Variants in MCC observed in about 807,000 individuals in gnomAD.
The protein encoded by MCC is MCC regulator of Wnt signaling pathway, also known as colorectal mutant cancer protein.
A neutral mutation model predicts 116.2 loss-of-function variants in MCC; 90 were observed. That is an observed-to-expected ratio of 0.77 (90% CI 0.65 to 0.92). The LOEUF is 0.92. Among genes scored for constraint, MCC ranks in the 40% least tolerant of loss-of-function variants. The pLI is 0.00. For synonymous variants in MCC, 578 were observed against 510.5 expected (o/e 1.13, Z -1.78); for missense variants, 1,516 against 1,312.2 (o/e 1.16, Z -2.40).
intron 17 of MCC, among the ~76,000 whole-genome samples, chr5:113,031,269 A>C (rs1418575834): frequency 1.3e-5 from 2 of 152,198 alleles, no homozygotes; most frequent in Non-Finnish European, 2.9e-5. Flanking sequence ...CTAAGCTGGA[A>C]GGAGCGTGTG....
At chr5:113,111,838 C>T (rs1280036078) in intron 6 of MCC, among the ~76,000 whole-genome samples, 1 of 152,176 alleles carries the variant, frequency 6.6e-6, no homozygotes, top group African/African-American at 2.4e-5. Context: ...TCCTAATGAG[C>T]CTTCTGGCTT....
chr5:113,371,712 C>A (rs1768840483), intron 2 of MCC, among the ~76,000 whole-genome samples: 1 of 152,306 alleles, frequency 6.6e-6, no homozygotes, highest in East Asian at 1.9e-4. Context: ...AACTTATACA[C>A]AAAACATTAG....
At chr5:113,381,657 G>T (rs553023463) in intron 2 of MCC, among the ~76,000 whole-genome samples, 2 of 152,082 alleles carry the variant, frequency 1.3e-5, no homozygotes, top group African/African-American at 4.8e-5. Context: ...GCCTGGTGGT[G>T]CATGCCTGTA....
Position 113,049,296 on chromosome 5 carries a change from C to A in MCC, c.2452G>T (p.Glu818Ter). The change falls in exon 16 of 19, where the codon GAG becomes TAG. Residue 818 changes from glutamate to a stop codon, truncating the protein, a stop_gained. Transcript: ENST00000408903. LOFTEE classifies it high-confidence loss of function. ...LMQELMAMKE[E>*]MAELKAQLYL... ...AGCTGGGCCTTCAACTCGGCCATCTCCTCCTACAGACAAAGGAGCACAGAG... is the reference window on the plus strand; with the variant it reads ...AGCTGGGCCTTCAACTCGGCCATCTACTCCTACAGACAAAGGAGCACAGAG... The A allele has an allele frequency of 6.3e-7, 1 of 1,586,268 alleles. No individual in the cohort carries two copies. Among genetic ancestry groups the A allele is most frequent in the African/African-American group, 1.3e-5 (1 of 74,452 alleles).
chr5:113,064,162 G>T lies in MCC; in HGVS notation c.2035C>A (p.Gln679Lys), dbSNP rs1236854366. Residue 679 changes from glutamine to lysine, a missense_variant, in exon 14 of 19, where the codon CAG becomes AAG. Transcript: ENST00000408903. The stretch of plus-strand genomic sequence containing the variant: ...TGAGTGATGTTTTCATCCCCCGACT[G>T]GTCTCCTATGTGGCAGAGAAGCCAA... ...AAGVGSSPGD[Q>K]SGDENITQML... The T allele has an allele frequency of 1.9e-6, 3 of 1,609,646 alleles. No homozygotes were observed. Among genetic ancestry groups the T allele is most frequent in the Non-Finnish European group, 2.5e-6 (3 of 1,177,318 alleles).
At chr5:113,479,802 G>T (rs1054451593) in intron 1 of MCC, among the ~76,000 whole-genome samples, 5 of 151,898 alleles carry the variant, frequency 3.3e-5, no homozygotes, top group Admixed American at 3.3e-4. Context: ...GTGACACTAT[G>T]GTTTCATTGT....
chr5:113,133,330 C>T (rs1758582022), intron 5 of MCC, among the ~76,000 whole-genome samples: 1 of 152,150 alleles, frequency 6.6e-6, no homozygotes. Context: ...CACCAAAATA[C>T]TCTCTATCTT....
chr5:113,067,369 C>T (rs1753692730), intron 13 of MCC, among the ~76,000 whole-genome samples: 1 of 152,192 alleles, frequency 6.6e-6, no homozygotes, highest in Admixed American at 6.5e-5. Context: ...ACTCAAAAGC[C>T]GGGCGCAGTG....
At chr5:113,196,031 C>A (rs1209978165) in intron 3 of MCC, among the ~76,000 whole-genome samples, 1 of 152,218 alleles carries the variant, frequency 6.6e-6, no homozygotes, top group Non-Finnish European at 1.5e-5. Context: ...CATGAAACCC[C>A]ACAGGCAGCT....
intron 8 of MCC, among the ~76,000 whole-genome samples, chr5:113,100,464 CTTTTTTTT>C (rs10649958): frequency 1.6e-4 from 13 of 78,846 alleles, no homozygotes; most frequent in African/African-American, 5.1e-4. Context: ...GTATTTTTCC[CTTTTTTTT>C]TTTTTTTTTT....
chr5:113,224,675 G>C (rs1031895622), intron 3 of MCC, among the ~76,000 whole-genome samples: 4 of 152,120 alleles, frequency 2.6e-5, no homozygotes, highest in African/African-American at 9.7e-5. Context: ...TCAAGCAGGA[G>C]TTAATAGAGG....
chr5:113,113,651 CAAAAA>C (rs11405354), intron 6 of MCC, among the ~76,000 whole-genome samples: 4 of 108,374 alleles, frequency 3.7e-5, no homozygotes, highest in Non-Finnish European at 5.3e-5. Context: ...TATGTTCTTG[CAAAAA>C]AAAAAAAAAA....
At chr5:113,204,197 G>C (rs1006573978) in intron 3 of MCC, among the ~76,000 whole-genome samples, 3 of 152,098 alleles carry the variant, frequency 2.0e-5, no homozygotes, top group African/African-American at 7.2e-5. Context: ...CAGCATTATG[G>C]GCAAGAACAA....
At chr5:113,451,975 T>C (rs1324212696) in intron 1 of MCC, among the ~76,000 whole-genome samples, 2 of 152,230 alleles carry the variant, frequency 1.3e-5, no homozygotes, top group Non-Finnish European at 2.9e-5. Flanking sequence ...TCAAGATGGC[T>C]TCACCCCCAT....
At chr5:113,048,980 T>A in intron 16 of MCC, 113 bp downstream of exon 16, 6 of 965,574 alleles carry the variant, frequency 6.2e-6, no homozygotes, top group Non-Finnish European at 9.7e-6. Context: ...CTGCATTTCC[T>A]ATGCAAATAC....
chr5:113,068,322 T>C lies in MCC; in HGVS notation c.1926-139A>G, dbSNP rs1753769734. 15 of 643,766 alleles carry C rather than the reference T, an allele frequency of 2.3e-5. No individual in the cohort carries two copies. The South Asian group carries it at 2.3e-4, about 10-fold the overall frequency. The allele number at this position is 643,766 out of a possible 1,614,324, so 39.9% of individuals were successfully genotyped here. Reference sequence around the variant, plus strand: ...CACAGGCAAGGAAACCACCCATGAATATTCCCAGGGCAGGGCCAGTGGCTT... The same window carrying C: ...CACAGGCAAGGAAACCACCCATGAACATTCCCAGGGCAGGGCCAGTGGCTT... On this transcript the variant is annotated intron_variant, in intron 12 of 18. Coordinates refer to ENST00000408903, the MANE Select transcript of MCC (RefSeq NM_001085377.2).
intron 6 of MCC, among the ~76,000 whole-genome samples, chr5:113,112,855 GTTAAT>G (rs1443122300): frequency 6.6e-6 from 1 of 152,196 alleles, no homozygotes; most frequent in African/African-American, 2.4e-5. Context: ...CCAAGTTTTT[GTTAAT>G]TTACTTGTTA....
chr5:113,269,020 G>A (rs779831769), intron 3 of MCC: 1 of 288,686 alleles, frequency 3.5e-6, no homozygotes, highest in East Asian at 1.7e-4. Flanking sequence ...AACAAAAGAA[G>A]AATGGCAGCA....
At chr5:113,140,875 T>A (rs61409374) in intron 5 of MCC, among the ~76,000 whole-genome samples, 11,278 of 152,208 alleles carry the variant, frequency 0.074, 532 homozygotes, top group East Asian at 0.12. Context: ...ATTTGGCCCA[T>A]CACAGCATAT....
Sources: allele counts gnomAD v4.1 joint callset (sites outside exome capture counted in the v4.1 genomes callset), GRCh38; gene constraint gnomAD v4.1.1; transcripts MANE v1.5; gene names NCBI Gene and HGNC (gene_info 2026-07-23, HGNC 2026-07-21).